Variants in BAZ2B observed in about 807,000 individuals in gnomAD.
The protein encoded by BAZ2B is bromodomain adjacent to zinc finger domain 2B.
In BAZ2B, 91 loss-of-function variants were observed where a neutral mutation model predicts 246.0. The ratio of observed to expected loss-of-function variants is 0.37; its 90% CI spans 0.31 to 0.44. The LOEUF is 0.44. Ranked by LOEUF, BAZ2B falls within the 20% of genes least tolerant of loss-of-function variation. BAZ2B has a pLI of 1.00. For missense variants in BAZ2B, 2,332 were observed against 2,533.7 expected, an observed-to-expected ratio of 0.92 and a Z score of 1.71; for synonymous variants, 855 against 860.0, an observed-to-expected ratio of 0.99 and a Z score of 0.10.
chr2:159,353,160 C>A (rs183274518), intron 27 of BAZ2B, among the ~76,000 whole-genome samples: 3 of 152,274 alleles, frequency 2.0e-5, no homozygotes, highest in East Asian at 3.9e-4. Context: ...ATTTATCCAA[C>A]CAGTCCTTTA....
chr2:159,698,116 T>C, the BAZ2B span, among the ~76,000 whole-genome samples: 1 of 152,200 alleles, frequency 6.6e-6, no homozygotes, highest in Non-Finnish European at 1.5e-5. Flanking sequence ...CTAACGATTA[T>C]AAATTTGCCC....
chr2:159,628,290 G>A, the BAZ2B span, among the ~76,000 whole-genome samples: 54,948 of 152,030 alleles, frequency 0.36, 10,123 homozygotes, highest in South Asian at 0.46. Context: ...AGCTACCAGT[G>A]ACTTTCTTCA....
chr2:159,441,834 A>G (rs2073457679), intron 6 of BAZ2B, among the ~76,000 whole-genome samples: 1 of 152,196 alleles, frequency 6.6e-6, no homozygotes, highest in Admixed American at 6.5e-5. Flanking sequence ...TTTATCAAAA[A>G]GTGATCAAAG....
intron 2 of BAZ2B, among the ~76,000 whole-genome samples, chr2:159,522,402 G>A (rs779763994): frequency 2.4e-4 from 36 of 152,086 alleles, no homozygotes; most frequent in Non-Finnish European, 4.6e-4. Context: ...GCATACAATT[G>A]CTACTAATTC....
chr2:159,603,300 G>A (rs1026489367), intron 1 of BAZ2B, among the ~76,000 whole-genome samples: 9 of 152,162 alleles, frequency 5.9e-5, no homozygotes, highest in African/African-American at 1.7e-4. Context: ...CAGCTACTTC[G>A]TAAAAATACA....
intron 1 of BAZ2B, among the ~76,000 whole-genome samples, chr2:159,602,597 T>C (rs1692423756): frequency 6.6e-6 from 1 of 152,200 alleles, no homozygotes; most frequent in Admixed American, 6.5e-5. Context: ...TTTCTCAACT[T>C]TGTTCAATAG....
At chr2:159,708,544 CTTTT>C in the BAZ2B span, among the ~76,000 whole-genome samples, 4 of 135,224 alleles carry the variant, frequency 3.0e-5, no homozygotes, top group African/African-American at 8.4e-5. Context: ...TTTTAATAAC[CTTTT>C]ATTTATTTAT....
chr2:159,324,675 C>T (rs2063205662), intron 36 of BAZ2B, 136 bp downstream of exon 36: 2 of 226,164 alleles, frequency 8.8e-6, no homozygotes, highest in Non-Finnish European at 1.4e-5. Context: ...CACACACACA[C>T]ACACACACAC....
At chr2:159,441,706 ATGGTGCTTTC>A (rs1330459296) in intron 6 of BAZ2B, among the ~76,000 whole-genome samples, 6 of 152,278 alleles carry the variant, frequency 3.9e-5, no homozygotes, top group Non-Finnish European at 7.4e-5. Flanking sequence ...CTGGAGTGCA[ATGGTGCTTTC>A]ATAGCTCACT....
chr2:159,432,268 GA>G (rs1026892394), intron 9 of BAZ2B, among the ~76,000 whole-genome samples: 20 of 146,178 alleles, frequency 1.4e-4, no homozygotes, highest in African/African-American at 4.0e-4. Flanking sequence ...CCAGCAAAAA[GA>G]AAAAAAAAAG....
At chr2:159,628,040 G>A in the BAZ2B span, among the ~76,000 whole-genome samples, 2 of 152,152 alleles carry the variant, frequency 1.3e-5, no homozygotes, top group African/African-American at 4.8e-5. Context: ...GAAACAGAGA[G>A]CCAAATCATG....
chr2:159,458,912 A>C (rs2076101515), intron 3 of BAZ2B: 1 of 152,202 alleles, frequency 6.6e-6, no homozygotes, highest in Non-Finnish European at 1.5e-5. Context: ...CAAAAACTGC[A>C]TCTTATTTAG....
chr2:159,686,768 C>T, the BAZ2B span, among the ~76,000 whole-genome samples: 11 of 152,098 alleles, frequency 7.2e-5, no homozygotes, highest in East Asian at 1.9e-4. Flanking sequence ...GTAGGCCAGG[C>T]GTGGTGGCTC....
intron 34 of BAZ2B, among the ~76,000 whole-genome samples, chr2:159,326,509 G>A (rs1010725398): frequency 6.6e-6 from 1 of 152,000 alleles, no homozygotes; most frequent in Admixed American, 6.6e-5. Context: ...ACAAAGCAGT[G>A]GTGAAAGATG....
At chr2:159,516,102 T>G (rs1275931029) in intron 2 of BAZ2B, among the ~76,000 whole-genome samples, 1 of 152,114 alleles carries the variant, frequency 6.6e-6, no homozygotes, top group Non-Finnish European at 1.5e-5. Flanking sequence ...TACTTTTTCA[T>G]TTTAAAAAAT....
the BAZ2B span, among the ~76,000 whole-genome samples, chr2:159,678,408 A>G: frequency 6.6e-6 from 1 of 152,230 alleles, no homozygotes; most frequent in African/African-American, 2.4e-5. Context: ...ATTGCAATAT[A>G]CTTTATTCTT....
intron 1 of BAZ2B, among the ~76,000 whole-genome samples, chr2:159,564,596 C>G (rs905056309): frequency 4.0e-5 from 6 of 151,466 alleles, no homozygotes; most frequent in African/African-American, 7.3e-5. Context: ...GATGACTAAA[C>G]AAGAAAAAAA....
intron 25 of BAZ2B, among the ~76,000 whole-genome samples, chr2:159,377,723 G>T (rs2061551139): frequency 6.7e-6 from 1 of 149,018 alleles, no homozygotes; most frequent in Admixed American, 6.8e-5. Context: ...TGAGGCAGGA[G>T]AATCGCTTGA....
chr2:159,439,223 A>T lies in BAZ2B; in HGVS notation c.697-11T>A. 2.5e-6 allele frequency: 4 copies of T among 1,605,558 alleles called. 1 individual carries two copies. The South Asian group carries it at 4.4e-5, about 18-fold the overall frequency. ...TTTCTTCCTTGGTTTCTGGATAACG[A>T]CAAGGTAGTTGGCAAGACTTTATTT... On this transcript the variant is annotated splice_polypyrimidine_tract_variant and intron_variant, in intron 6 of 36. Transcript: ENST00000392783.
Sources: gnomAD v4.1 joint callset for allele counts (sites outside exome capture counted in the v4.1 genomes callset) on GRCh38, gnomAD v4.1.1 for gene constraint, MANE v1.5 for transcripts, NCBI Gene and HGNC (gene_info 2026-07-23, HGNC 2026-07-21) for gene names.